The following UNC13C variants were observed in gnomAD, a reference collection of about 807,000 sequenced individuals.
UNC13C encodes the protein unc-13 homolog C, also known as protein unc-13 homolog C.
Under a neutral mutation model 245.4 loss-of-function variants are expected in UNC13C, and 174 were observed. The observed-to-expected ratio is 0.71, with a 90% CI of 0.63 to 0.80. The LOEUF is 0.80. Ranked by LOEUF, UNC13C falls within the 30% of genes least tolerant of loss-of-function variation. UNC13C has a pLI of 0.00. For synonymous variants in UNC13C, 992 were observed against 895.1 expected, an observed-to-expected ratio of 1.11 and a Z score of -1.93; for missense variants, 2,829 against 2,602.9, an observed-to-expected ratio of 1.09 and a Z score of -1.89.
intron 2 of UNC13C, among the ~76,000 whole-genome samples, chr15:54,093,339 T>A (rs1442676998): frequency 6.6e-6 from 1 of 152,200 alleles, no homozygotes; most frequent in Non-Finnish European, 1.5e-5. Flanking sequence ...CATGCTTAGT[T>A]TTATGTTGAC....
At chr15:53,963,200 C>A in the UNC13C span, among the ~76,000 whole-genome samples, 1 of 152,166 alleles carries the variant, frequency 6.6e-6, no homozygotes, top group East Asian at 1.9e-4. Context: ...AAACTCTCCC[C>A]CACTTACACT....
intron 17 of UNC13C, among the ~76,000 whole-genome samples, chr15:54,358,158 G>A (rs932928046): frequency 3.3e-5 from 5 of 151,966 alleles, no homozygotes; most frequent in African/African-American, 1.2e-4. Flanking sequence ...TGGGTTCTCT[G>A]TTCTATACCT....
At chr15:54,170,097 T>A (rs2033338179) in intron 4 of UNC13C, among the ~76,000 whole-genome samples, 1 of 151,366 alleles carries the variant, frequency 6.6e-6, no homozygotes. Context: ...TTGAATGCTA[T>A]CAAAATGGGT....
rs1321416430 is a variant in UNC13C, at chr15:54,013,341, C to T, written c.438C>T (p.His146=). 6.2e-7 allele frequency: 1 copy of T among 1,613,896 alleles called. No homozygotes were observed. The highest frequency in any genetic ancestry group is 1.7e-5 in the Admixed American group (1 of 59,964). Residue 146 remains histidine, a synonymous_variant, in exon 2 of 33, where the codon CAC becomes CAT. Transcript: ENST00000260323. ...CAGAAAACCAGGCACAATCAACACA[C>T]ACAATGCCAGTTAGACGCAACAGAA... ...SSTENQAQST[H]TMPVRRNRKS... is the part of the protein sequence containing the mutation.
the UNC13C span, among the ~76,000 whole-genome samples, chr15:53,900,487 A>G: frequency 6.6e-6 from 1 of 152,248 alleles, no homozygotes; most frequent in East Asian, 1.9e-4. Context: ...AAACAATAGT[A>G]AAAGCAAGAG....
At chr15:54,033,149 A>G (rs1339039701) in intron 2 of UNC13C, among the ~76,000 whole-genome samples, 1 of 152,176 alleles carries the variant, frequency 6.6e-6, no homozygotes, top group Non-Finnish European at 1.5e-5. Context: ...AAAAAAATTT[A>G]AGATGTTCCT....
intron 2 of UNC13C, among the ~76,000 whole-genome samples, chr15:54,088,380 G>A (rs1899369519): frequency 6.6e-6 from 1 of 151,910 alleles, no homozygotes; most frequent in African/African-American, 2.4e-5. Context: ...GGGCAGAGAG[G>A]GGACATGCTA....
chr15:54,585,447 G>C (rs1898438323), intron 30 of UNC13C, among the ~76,000 whole-genome samples: 1 of 152,182 alleles, frequency 6.6e-6, no homozygotes, highest in South Asian at 2.1e-4. Context: ...TTCTTGGGCA[G>C]TCTGCACAAC....
chr15:54,391,552 A>T (rs1280578250), intron 17 of UNC13C, among the ~76,000 whole-genome samples: 4 of 152,112 alleles, frequency 2.6e-5, no homozygotes, highest in Admixed American at 2.6e-4. Flanking sequence ...GCTTGCCAAG[A>T]ACTTTCAAGT....
chr15:54,412,337 C>T (rs1172757766), intron 18 of UNC13C, among the ~76,000 whole-genome samples: 2 of 152,106 alleles, frequency 1.3e-5, no homozygotes, highest in African/African-American at 2.4e-5. Context: ...GGGAAGCAAG[C>T]AGCTTCTTCA....
the UNC13C span, among the ~76,000 whole-genome samples, chr15:53,907,646 A>C: frequency 6.6e-6 from 1 of 152,206 alleles, no homozygotes. Context: ...ATAGTTACTG[A>C]CTGAGATGAT....
At chr15:53,975,210 CGT>C (rs1186191503), upstream of UNC13C, among the ~76,000 whole-genome samples, 2 of 152,176 alleles carry the variant, frequency 1.3e-5, no homozygotes, top group African/African-American at 4.8e-5. Flanking sequence ...CAGAACTTAA[CGT>C]GTGTTTTACT....
At chr15:53,871,374 A>T in the UNC13C span, among the ~76,000 whole-genome samples, 1 of 152,048 alleles carries the variant, frequency 6.6e-6, no homozygotes. Context: ...TCTCCTTCTT[A>T]CTTAGGTTCA....
Position 54,500,844 on chromosome 15 carries a change from A to C in UNC13C, c.5167A>C (p.Thr1723Pro). 1 of 1,612,682 alleles carries C rather than the reference A, an allele frequency of 6.2e-7. No homozygotes were observed. The highest frequency in any genetic ancestry group is 8.5e-7 in the Non-Finnish European group (1 of 1,179,120). Reference sequence around the variant, plus strand: ...CCTCCTCTCCCCACAGTTCCAGCAGACATCTGAGCATGCTCTCTTTTCTTG... The same window carrying C: ...CCTCCTCTCCCCACAGTTCCAGCAGCCATCTGAGCATGCTCTCTTTTCTTG... ...GRDKKDGFQQTSEHALFSCSV... is the reference protein window; with the variant it reads ...GRDKKDGFQQPSEHALFSCSV... Residue 1723 changes from threonine (T) to proline (P), a missense_variant, in exon 22 of 33, where the codon ACA (threonine) becomes CCA (proline). Coordinates refer to ENST00000260323, the MANE Select transcript of UNC13C (RefSeq NM_001080534.3).
chr15:53,903,354 A>G, the UNC13C span, among the ~76,000 whole-genome samples: 2 of 152,240 alleles, frequency 1.3e-5, no homozygotes, highest in Admixed American at 1.3e-4. Flanking sequence ...AATCAGAAGC[A>G]CATCCATCAA....
At chr15:53,906,513 A>G in the UNC13C span, among the ~76,000 whole-genome samples, 1 of 152,086 alleles carries the variant, frequency 6.6e-6, no homozygotes, top group African/African-American at 2.4e-5. Context: ...TCTTCTAATA[A>G]ATGGCCCCTG....
At chr15:54,538,133 CAAAAAAAAAAAAAAA>C (rs56041311) in intron 26 of UNC13C, among the ~76,000 whole-genome samples, 17 of 10,256 alleles carry the variant, frequency 1.7e-3, no homozygotes, top group East Asian at 9.3e-3. Flanking sequence ...CATTAACAAG[CAAAAAAAAAAAAAAA>C]AAAAAAAAAA....
chr15:54,398,614 G>T (rs769321005), intron 18 of UNC13C, among the ~76,000 whole-genome samples: 2 of 151,262 alleles, frequency 1.3e-5, no homozygotes, highest in Non-Finnish European at 1.5e-5. Flanking sequence ...AACTAAAAAT[G>T]TTATTTCTTC....
At chr15:54,446,083 G>T (rs1241368625) in intron 19 of UNC13C, among the ~76,000 whole-genome samples, 1 of 152,162 alleles carries the variant, frequency 6.6e-6, no homozygotes, top group Non-Finnish European at 1.5e-5. Flanking sequence ...TGTCAGGTTT[G>T]TCAGAGATCA....
Sources: allele counts gnomAD v4.1 joint callset (sites outside exome capture counted in the v4.1 genomes callset), GRCh38; gene constraint gnomAD v4.1.1; transcripts MANE v1.5; gene names NCBI Gene and HGNC (gene_info 2026-07-23, HGNC 2026-07-21).